Variants in PCDHGB1 observed in about 807,000 individuals in gnomAD.
PCDHGB1 encodes protocadherin gamma subfamily B, 1.
Under a neutral mutation model 56.6 loss-of-function variants are expected in PCDHGB1, and 34 were observed. The observed-to-expected ratio is 0.60, with a 90% CI of 0.46 to 0.80. The LOEUF (loss-of-function observed/expected upper bound fraction) is 0.80, where lower values mean the gene tolerates loss of function less well. Ranked by LOEUF, PCDHGB1 falls within the 30% of genes least tolerant of loss-of-function variation. PCDHGB1 has a pLI of 0.00. For missense variants in PCDHGB1, 1,278 were observed against 1,204.6 expected (o/e 1.06, Z -0.90); for synonymous variants, 561 against 505.9 (o/e 1.11, Z -1.46).
intron 1 of PCDHGB1, among the ~76,000 whole-genome samples, chr5:141,436,491 T>G (rs546883133): frequency 6.6e-6 from 1 of 152,182 alleles, no homozygotes; most frequent in Non-Finnish European, 1.5e-5. Flanking sequence ...GATAGCAGCT[T>G]TGCAATTAGG....
At chr5:141,422,696 ACT>A in intron 1 of PCDHGB1, 1 of 1,602,756 alleles carries the variant, frequency 6.2e-7, no homozygotes, top group Non-Finnish European at 8.5e-7. Flanking sequence ...CTGGTCACTT[ACT>A]CTCTGACGGA....
chr5:141,374,534 C>T (rs868822562), intron 1 of PCDHGB1: 2 of 1,613,096 alleles, frequency 1.2e-6, no homozygotes, highest in Non-Finnish European at 1.7e-6. Flanking sequence ...TCCATCCTCT[C>T]GTTTTCCACT....
In PCDHGB1 at chr5:141,409,721, G is replaced by A. The variant is rs892686024; in HGVS notation, c.2409+57052G>A. On this transcript the variant is annotated intron_variant, in intron 1 of 3. Transcript: ENST00000523390. ...CCTGGCGGTGTCGTCATACGTGTCA[G>A]TGAGCGCGCAGAGCGGGGTGGTGTT... The A allele has an allele frequency of 6.8e-6, 11 of 1,613,114 alleles. No homozygotes were observed. The highest frequency in any genetic ancestry group is 6.7e-5 in the East Asian group (3 of 44,892).
chr5:141,441,103 A>C (rs2098225469), intron 1 of PCDHGB1: 1 of 152,198 alleles, frequency 6.6e-6, no homozygotes, highest in Non-Finnish European at 1.5e-5. Flanking sequence ...AGAGGGACTC[A>C]TTGTCCAGTG....
At chr5:141,401,815 C>A (rs1217081146) in intron 1 of PCDHGB1, among the ~76,000 whole-genome samples, 1 of 152,184 alleles carries the variant, frequency 6.6e-6, no homozygotes, top group Non-Finnish European at 1.5e-5. Context: ...GGGTTCCTTA[C>A]AAAGTGCTGA....
intron 1 of PCDHGB1, chr5:141,361,522 G>A: frequency 1.2e-6 from 2 of 1,614,054 alleles, no homozygotes; most frequent in Non-Finnish European, 1.7e-6. Flanking sequence ...TCACGTGGCA[G>A]AGAACAATCC....
intron 1 of PCDHGB1, among the ~76,000 whole-genome samples, chr5:141,386,239 T>C (rs940209503): frequency 2.0e-5 from 3 of 152,238 alleles, no homozygotes; most frequent in Non-Finnish European, 2.9e-5. Flanking sequence ...AAAAATTCAG[T>C]TGGAAATAAC....
At chr5:141,393,718 C>A in intron 1 of PCDHGB1, 2 of 1,613,644 alleles carry the variant, frequency 1.2e-6, no homozygotes, top group Non-Finnish European at 1.7e-6. Flanking sequence ...GGGGAAATAT[C>A]AATAGCAAAA....
chr5:141,371,370 C>T, intron 1 of PCDHGB1: 1 of 1,613,934 alleles, frequency 6.2e-7, no homozygotes, highest in Non-Finnish European at 8.5e-7. Flanking sequence ...GGATGGTGGA[C>T]ATCACACTGC....
chr5:141,430,015 T>G (rs2097256653), intron 1 of PCDHGB1, among the ~76,000 whole-genome samples: 1 of 152,236 alleles, frequency 6.6e-6, no homozygotes, highest in South Asian at 2.1e-4. Context: ...TTCACTTGGG[T>G]TCTTGTTAAG....
At chr5:141,375,523 C>T (rs571977774) in intron 1 of PCDHGB1, 2 of 1,614,032 alleles carry the variant, frequency 1.2e-6, no homozygotes, top group Non-Finnish European at 1.7e-6. Flanking sequence ...TGGACCCTGA[C>T]GTGGACCAGA....
At chr5:141,438,591 CATAT>C (rs946798767) in intron 1 of PCDHGB1, among the ~76,000 whole-genome samples, 213 of 75,464 alleles carry the variant, frequency 2.8e-3, no homozygotes, top group African/African-American at 5.5e-3. Flanking sequence ...TACATACATA[CATAT>C]ATATATATAT....
chr5:141,382,495 A>G (rs1778251368), intron 1 of PCDHGB1, among the ~76,000 whole-genome samples: 1 of 152,272 alleles, frequency 6.6e-6, no homozygotes, highest in African/African-American at 2.4e-5. Context: ...ACACCGGTCC[A>G]TGAACACTGT....
intron 1 of PCDHGB1, chr5:141,396,659 A>G (rs2093416733): frequency 6.6e-6 from 1 of 151,984 alleles, no homozygotes; most frequent in African/African-American, 2.4e-5. Context: ...AAAACTCGGT[A>G]TAGGCTATCC....
Position 141,507,461 on chromosome 5 carries a change from G to A in PCDHGB1, c.2557+1980G>A, listed in dbSNP as rs145114393. On this transcript the variant is annotated intron_variant, in intron 3 of 3. Coordinates refer to ENST00000523390, the MANE Select transcript of PCDHGB1 (RefSeq NM_018922.3). ...AGCTGACGGAAGGACAGAGAGAGAG[G>A]TGGCAGGGACTGCTGGCCTCCTGAG... Among the ~76,000 whole-genome samples the A allele has an allele frequency of 3.8e-3, 581 of 152,330 alleles. 5 individuals are homozygous for A. Among genetic ancestry groups the A allele is most frequent in the African/African-American group, 0.012 (485 of 41,570 alleles).
intron 1 of PCDHGB1, chr5:141,389,363 C>T (rs776814041): frequency 1.2e-6 from 2 of 1,613,868 alleles, no homozygotes; most frequent in South Asian, 2.2e-5. Flanking sequence ...TGGCCAGTGA[C>T]CTGGAGCAGC....
intron 1 of PCDHGB1, chr5:141,414,717 C>T: frequency 6.2e-7 from 1 of 1,614,152 alleles, no homozygotes; most frequent in Non-Finnish European, 8.5e-7. Flanking sequence ...TCAACTCAGA[C>T]ACTGGCGTCC....
intron 1 of PCDHGB1, chr5:141,375,182 G>C: frequency 6.2e-7 from 1 of 1,613,936 alleles, no homozygotes; most frequent in Non-Finnish European, 8.5e-7. Context: ...AACAGTAATC[G>C]CCCTTTTTCA....
rs922592733 is a variant in PCDHGB1 at position 141,487,979 on chromosome 5, C to T, written c.2410-6828C>T. Among the ~76,000 whole-genome samples the T allele has an allele frequency of 1.3e-5, 2 of 152,178 alleles. No individual in the cohort carries two copies. Among genetic ancestry groups the T allele is most frequent in the African/African-American group, 4.8e-5 (2 of 41,442 alleles). The stretch of plus-strand genomic sequence containing the variant: ...TGGACAAAGGTGGCTGTTTTCTCTA[C>T]TCTTCCTGAAAGAGGGGATCAGATT... On this transcript the variant is annotated intron_variant, in intron 1 of 3. Coordinates refer to ENST00000523390, the MANE Select transcript of PCDHGB1 (RefSeq NM_018922.3). The surrounding 1 kb of genome is among the most constrained non-coding windows in gnomAD (Gnocchi z 5.0).
Sources: gnomAD v4.1 joint callset for allele counts (sites outside exome capture counted in the v4.1 genomes callset) on GRCh38, gnomAD v4.1.1 for gene constraint, Gnocchi (gnomAD v3.1) non-coding constraint, MANE v1.5 for transcripts, NCBI Gene and HGNC (gene_info 2026-07-23, HGNC 2026-07-21) for gene names.